RBFOX1: variants seen among roughly 807,000 people sequenced by gnomAD.
The protein encoded by RBFOX1 is RNA binding protein fox-1 homolog 1.
A neutral mutation model predicts 57.7 loss-of-function variants in RBFOX1; 8 were observed. The ratio of observed to expected loss-of-function variants is 0.14; its 90% confidence interval spans 0.08 to 0.25. RBFOX1 has a LOEUF of 0.25. RBFOX1 is among the 10% of genes least tolerant of loss of function. The probability of loss-of-function intolerance (pLI) is 1.00; values close to 1 mark genes in which losing one functional copy is unlikely to be tolerated. For synonymous variants in RBFOX1, 326 were observed against 222.4 expected (o/e 1.47, Z -4.15); for missense variants, 611 against 548.5 (o/e 1.11, Z -1.14).
Position 5,686,163 on chromosome 16 carries a change from C to G in RBFOX1, c.318+87202C>G, listed in dbSNP as rs374618396. ...CTTGTGTGAATTTTTACTCAATGTA[C>G]CAAGCAACATGGAATGTAGAAATGT... On this transcript the variant is annotated intron_variant, in intron 3 of 19. Transcript: ENST00000641259. 3.0e-4 allele frequency among the ~76,000 whole-genome samples: 46 copies of G among 152,072 alleles called. 1 individual carries two copies. The South Asian group carries it at 9.1e-3, about 30-fold the overall frequency.
At chr16:7,598,958 G>C (rs181989483) in intron 9 of RBFOX1, among the ~76,000 whole-genome samples, 114 of 152,276 alleles carry the variant, frequency 7.5e-4, no homozygotes, top group African/African-American at 2.6e-3. Flanking sequence ...CTACCAATTT[G>C]ACAGTCAGTT....
intron 14 of RBFOX1, among the ~76,000 whole-genome samples, chr16:7,685,518 T>TTC (rs1212309832): frequency 2.0e-5 from 3 of 152,150 alleles, no homozygotes; most frequent in African/African-American, 7.2e-5. Flanking sequence ...CCTCAGTTTT[T>TTC]TCCTATGCTA....
At chr16:7,060,468 A>G (rs938749479) in intron 4 of RBFOX1, among the ~76,000 whole-genome samples, 8 of 152,246 alleles carry the variant, frequency 5.3e-5, no homozygotes, top group Admixed American at 2.0e-4. Context: ...AGTTATTTCT[A>G]TATCACTTTA....
At chr16:6,951,784 A>T (rs2080818579) in intron 3 of RBFOX1, among the ~76,000 whole-genome samples, 1 of 151,976 alleles carries the variant, frequency 6.6e-6, no homozygotes, top group African/African-American at 2.4e-5. Context: ...CCCAGACTGG[A>T]GTGCAGTGGC....
intron 3 of RBFOX1, among the ~76,000 whole-genome samples, chr16:6,788,818 G>A (rs930829036): frequency 6.6e-6 from 1 of 152,020 alleles, no homozygotes; most frequent in Non-Finnish European, 1.5e-5. Context: ...GTCATACGAT[G>A]TGCCAATTTC....
chr16:5,878,940 C>G (rs554192019), intron 4 of RBFOX1, among the ~76,000 whole-genome samples: 48 of 152,196 alleles, frequency 3.2e-4, no homozygotes, highest in Non-Finnish European at 5.4e-4. Flanking sequence ...AATTAATACT[C>G]AAACATCTGA....
intron 1 of RBFOX1, among the ~76,000 whole-genome samples, chr16:5,265,428 A>G (rs1299134068): frequency 1.3e-5 from 2 of 152,168 alleles, no homozygotes; most frequent in African/African-American, 4.8e-5. Flanking sequence ...AAACACGACC[A>G]ATGCTTTTGC....
intron 4 of RBFOX1, among the ~76,000 whole-genome samples, chr16:7,065,415 C>T (rs966932471): frequency 6.6e-6 from 1 of 152,142 alleles, no homozygotes; most frequent in Non-Finnish European, 1.5e-5. Flanking sequence ...CACCCTGCCT[C>T]GTTCCTCTGT....
chr16:5,716,211 G>C (rs1051925902), intron 3 of RBFOX1, among the ~76,000 whole-genome samples: 3 of 152,122 alleles, frequency 2.0e-5, no homozygotes, highest in African/African-American at 7.2e-5. Flanking sequence ...TGGTTGGCGT[G>C]AAAGTAATTT....
chr16:7,214,249 A>T (rs1455939313), intron 4 of RBFOX1, among the ~76,000 whole-genome samples: 1 of 152,068 alleles, frequency 6.6e-6, no homozygotes, highest in East Asian at 1.9e-4. Flanking sequence ...TTCTCAAAAG[A>T]CTTCTGAAAT....
At chr16:7,194,408 A>G (rs1464658389) in intron 4 of RBFOX1, among the ~76,000 whole-genome samples, 2 of 152,250 alleles carry the variant, frequency 1.3e-5, no homozygotes. Flanking sequence ...GATACTAAGC[A>G]GCTGACAATT....
At chr16:6,216,265 T>C (rs904598150) in intron 1 of RBFOX1, among the ~76,000 whole-genome samples, 2 of 151,984 alleles carry the variant, frequency 1.3e-5, no homozygotes, top group Non-Finnish European at 2.9e-5. Context: ...CCTGCACATA[T>C]ACCCCTGAAC....
At chr16:7,181,476 A>T (rs575199898) in intron 4 of RBFOX1, among the ~76,000 whole-genome samples, 6 of 152,146 alleles carry the variant, frequency 3.9e-5, no homozygotes, top group African/African-American at 1.4e-4. Flanking sequence ...TACTACCTAA[A>T]AGAGAATTAA....
intron 3 of RBFOX1, among the ~76,000 whole-genome samples, chr16:6,657,797 G>T (rs895421214): frequency 1.3e-5 from 2 of 152,114 alleles, no homozygotes; most frequent in Admixed American, 6.6e-5. Flanking sequence ...CTCTGAAAGA[G>T]AACTGGTGGT....
intron 4 of RBFOX1, among the ~76,000 whole-genome samples, chr16:7,371,467 T>G (rs939888539): frequency 6.6e-6 from 1 of 152,284 alleles, no homozygotes; most frequent in East Asian, 1.9e-4. Context: ...TGCACATATA[T>G]GGCCAGGTGC....
intron 1 of RBFOX1, among the ~76,000 whole-genome samples, chr16:5,396,013 CTGGTTAG>C (rs2066543272): frequency 6.6e-6 from 1 of 152,168 alleles, no homozygotes; most frequent in African/African-American, 2.4e-5. Flanking sequence ...ATTGTGTAGC[CTGGTTAG>C]AGCTGAGGGA....
At chr16:7,146,418 C>G (rs1382375691) in intron 4 of RBFOX1, among the ~76,000 whole-genome samples, 1 of 152,180 alleles carries the variant, frequency 6.6e-6, no homozygotes, top group East Asian at 1.9e-4. Flanking sequence ...AACCCCTCGC[C>G]TACCCAGCAG....
At chr16:6,276,294 C>T (rs2075793911) in intron 1 of RBFOX1, among the ~76,000 whole-genome samples, 1 of 152,114 alleles carries the variant, frequency 6.6e-6, no homozygotes, top group Non-Finnish European at 1.5e-5. Context: ...TTTTGTCCTC[C>T]CAGCTTGGGG....
chr16:6,754,858 C>A (rs1235854610), intron 3 of RBFOX1, among the ~76,000 whole-genome samples: 1 of 152,064 alleles, frequency 6.6e-6, no homozygotes, highest in Non-Finnish European at 1.5e-5. Flanking sequence ...TCCCCTCTCC[C>A]CCCACCCCAC....
Sources: allele counts gnomAD v4.1 joint callset (sites outside exome capture counted in the v4.1 genomes callset), GRCh38; gene constraint gnomAD v4.1.1; transcripts MANE v1.5; gene names NCBI Gene and HGNC (gene_info 2026-07-23, HGNC 2026-07-21).